Variants in ERBB4 observed in about 807,000 individuals in gnomAD.
The protein encoded by ERBB4 is erb-b2 receptor tyrosine kinase 4.
ERBB4 carries 42 observed loss-of-function variants against 158.0 expected under a neutral mutation model. The ratio of observed to expected loss-of-function variants is 0.27; its 90% CI spans 0.21 to 0.34. The LOEUF (loss-of-function observed/expected upper bound fraction) is 0.34, where lower values mean the gene tolerates loss of function less well. Among genes scored for constraint, ERBB4 ranks in the 10% least tolerant of loss-of-function variants. The pLI is 1.00. For missense variants in ERBB4, 1,333 were observed against 1,624.1 expected, an observed-to-expected ratio of 0.82 and a Z score of 3.08; for synonymous variants, 583 against 558.7, an observed-to-expected ratio of 1.04 and a Z score of -0.61.
chr2:212,055,567 C>T (rs1043697073), intron 2 of ERBB4, among the ~76,000 whole-genome samples: 5 of 152,206 alleles, frequency 3.3e-5, no homozygotes, highest in South Asian at 2.1e-4. Flanking sequence ...CCGGGTACCC[C>T]GCTGAGATGA....
intron 1 of ERBB4, among the ~76,000 whole-genome samples, chr2:212,205,860 A>G (rs1163896504): frequency 6.6e-6 from 1 of 152,214 alleles, no homozygotes; most frequent in Non-Finnish European, 1.5e-5. Context: ...CCGAGTTGAT[A>G]AAGTACCATT....
intron 1 of ERBB4, among the ~76,000 whole-genome samples, chr2:212,280,642 AT>A (rs2085721974): frequency 6.6e-6 from 1 of 151,628 alleles, no homozygotes; most frequent in African/African-American, 2.4e-5. Context: ...AGTAGGCAAC[AT>A]TTTTTATCAG....
At chr2:212,368,962 C>A (rs2089991132) in intron 1 of ERBB4, among the ~76,000 whole-genome samples, 1 of 152,152 alleles carries the variant, frequency 6.6e-6, no homozygotes. Context: ...GAATCTCAGG[C>A]AGGCTGTAGG....
chr2:212,515,350 G>A (rs574417827), intron 1 of ERBB4, among the ~76,000 whole-genome samples: 1 of 152,004 alleles, frequency 6.6e-6, no homozygotes, highest in Non-Finnish European at 1.5e-5. Flanking sequence ...CAGATTAATT[G>A]AACATTCAAG....
At chr2:212,022,935 G>A (rs2125331458) in intron 2 of ERBB4, among the ~76,000 whole-genome samples, 1 of 152,234 alleles carries the variant, frequency 6.6e-6, no homozygotes, top group South Asian at 2.1e-4. Context: ...GTGGAAGTAA[G>A]GAGGGCCATC....
chr2:211,665,956 T>C (rs11901111), intron 14 of ERBB4, among the ~76,000 whole-genome samples: 37 of 152,340 alleles, frequency 2.4e-4, no homozygotes, highest in African/African-American at 8.2e-4. Flanking sequence ...TGAATACTTT[T>C]ACTAAATAGT....
At chr2:211,694,396 C>T (rs1011134901) in intron 12 of ERBB4, among the ~76,000 whole-genome samples, 3 of 152,124 alleles carry the variant, frequency 2.0e-5, no homozygotes, top group African/African-American at 4.8e-5. Context: ...ATCATTCTCT[C>T]AGAATTTCTA....
At chr2:212,284,537 T>C (rs991321083) in intron 1 of ERBB4, among the ~76,000 whole-genome samples, 1 of 152,096 alleles carries the variant, frequency 6.6e-6, no homozygotes, top group Non-Finnish European at 1.5e-5. Flanking sequence ...TAAGGCCCAA[T>C]TGATAAAAGA....
At chr2:212,275,462 A>G (rs1390859126) in intron 1 of ERBB4, among the ~76,000 whole-genome samples, 1 of 151,894 alleles carries the variant, frequency 6.6e-6, no homozygotes. Context: ...AATGATTGCC[A>G]TTCTAACTGG....
chr2:212,165,047 C>T, intron 1 of ERBB4, among the ~76,000 whole-genome samples: 1 of 151,866 alleles, frequency 6.6e-6, no homozygotes, highest in East Asian at 1.9e-4. Context: ...TGTGGTTAGT[C>T]AAACATGCTG....
chr2:212,282,664 T>C (rs1205822315), intron 1 of ERBB4, among the ~76,000 whole-genome samples: 1 of 151,888 alleles, frequency 6.6e-6, no homozygotes, highest in Non-Finnish European at 1.5e-5. Flanking sequence ...TCCATAATCA[T>C]TAGAGTCACT....
At chr2:212,215,453 T>G (rs2083068819) in intron 1 of ERBB4, among the ~76,000 whole-genome samples, 1 of 151,436 alleles carries the variant, frequency 6.6e-6, no homozygotes, top group Admixed American at 6.6e-5. Context: ...TGTGCAAATT[T>G]TAGAGAATGC....
rs114568567 is a variant in ERBB4, at chr2:211,395,827, G to A, written c.3136-7835C>T. Among the ~76,000 whole-genome samples, 207 of 152,006 alleles carry A rather than the reference G, an allele frequency of 1.4e-3. 1 individual carries two copies. Among genetic ancestry groups the A allele is most frequent in the African/African-American group, 4.8e-3 (198 of 41,504 alleles). ...CTATAAAAGCCAGTTATTAAAAATC[G>A]ATATACACATACATGCTTATTGTCA... is the stretch of plus-strand genomic sequence containing the variant. On this transcript the variant is annotated intron_variant, in intron 25 of 27. Coordinates refer to ENST00000342788, the MANE Select transcript of ERBB4 (RefSeq NM_005235.3).
intron 5 of ERBB4, among the ~76,000 whole-genome samples, chr2:211,743,180 A>G (rs554576637): frequency 1.4e-4 from 22 of 152,348 alleles, no homozygotes; most frequent in African/African-American, 4.6e-4. Context: ...TCAGCTTATC[A>G]GCAAGAAACA....
intron 2 of ERBB4, among the ~76,000 whole-genome samples, chr2:211,997,277 T>G (rs1458604588): frequency 6.6e-6 from 1 of 152,158 alleles, no homozygotes; most frequent in Non-Finnish European, 1.5e-5. Flanking sequence ...CATTCCATTT[T>G]ATAAAAATTT....
chr2:211,822,125 G>A (rs1489926524), intron 3 of ERBB4, among the ~76,000 whole-genome samples: 2 of 151,896 alleles, frequency 1.3e-5, no homozygotes, highest in East Asian at 3.9e-4. Context: ...AAGTAGAAAA[G>A]AAGATATTAG....
intron 2 of ERBB4, among the ~76,000 whole-genome samples, chr2:211,952,272 C>A (rs1259153043): frequency 6.6e-6 from 1 of 151,988 alleles, no homozygotes; most frequent in Non-Finnish European, 1.5e-5. Flanking sequence ...AGATCATGAG[C>A]CATGTGTACT....
At chr2:211,676,647 G>T (rs1031485790) in intron 13 of ERBB4, among the ~76,000 whole-genome samples, 1 of 152,114 alleles carries the variant, frequency 6.6e-6, no homozygotes, top group African/African-American at 2.4e-5. Flanking sequence ...ATAGTGTTGC[G>T]AGTTCAGCCC....
intron 19 of ERBB4, among the ~76,000 whole-genome samples, chr2:211,616,387 T>C (rs910789688): frequency 7.9e-5 from 12 of 152,128 alleles, no homozygotes; most frequent in African/African-American, 2.9e-4. Context: ...CATTCTTATT[T>C]CAAGGGTAGC....
Sources: gnomAD v4.1 joint callset for allele counts (sites outside exome capture counted in the v4.1 genomes callset) on GRCh38, gnomAD v4.1.1 for gene constraint, MANE v1.5 for transcripts, NCBI Gene and HGNC (gene_info 2026-07-23, HGNC 2026-07-21) for gene names.